FGF12: variants seen among roughly 807,000 people sequenced by gnomAD.
The protein encoded by FGF12 is fibroblast growth factor 12.
In FGF12, 14 loss-of-function variants were observed where a neutral mutation model predicts 23.6. The ratio of observed to expected loss-of-function variants is 0.59; its 90% CI spans 0.39 to 0.93. The LOEUF (loss-of-function observed/expected upper bound fraction) is 0.93. FGF12 is among the 40% of genes least tolerant of loss of function. FGF12 has a pLI of 0.00. For synonymous variants in FGF12, 62 were observed against 77.3 expected, an observed-to-expected ratio of 0.80 and a Z score of 1.04; for missense variants, 175 against 217.8, an observed-to-expected ratio of 0.80 and a Z score of 1.24.
intron 2 of FGF12, among the ~76,000 whole-genome samples, chr3:192,630,088 G>C (rs187104649): frequency 6.6e-6 from 1 of 152,146 alleles, no homozygotes; most frequent in Non-Finnish European, 1.5e-5. Context: ...TCGTGATAGT[G>C]AGTGAGTGCT....
chr3:192,704,698 C>A (rs970743391), intron 2 of FGF12, among the ~76,000 whole-genome samples: 2 of 152,214 alleles, frequency 1.3e-5, no homozygotes, highest in African/African-American at 2.4e-5. Flanking sequence ...ACATTGACTT[C>A]TTTCTCACTA....
chr3:192,630,175 G>A (rs1036324781), intron 2 of FGF12, among the ~76,000 whole-genome samples: 5 of 152,074 alleles, frequency 3.3e-5, no homozygotes, highest in Admixed American at 6.5e-5. Context: ...CATGTGATGC[G>A]CCTGGTCCCT....
chr3:192,146,270 A>AT lies in FGF12; in HGVS notation c.428-2144dup, dbSNP rs879200159. Among the ~76,000 whole-genome samples, 228 of 92,230 alleles carry AT rather than the reference A, an allele frequency of 2.5e-3. 3 individuals are homozygous for AT. The highest frequency in any genetic ancestry group is 3.1e-3 in the Non-Finnish European group (118 of 38,500). 60.5% of individuals were successfully genotyped at this position (92,230 alleles called of 152,430 possible). ...AATTTTCTAATTTTCATTAAAGTGT[A>AT]TATTTTTTTTTTTTTTTTGAGACGG... is the stretch of plus-strand genomic sequence containing the variant. On this transcript the variant is annotated intron_variant, in intron 5 of 5. Coordinates refer to ENST00000445105, the MANE Select transcript of FGF12 (RefSeq NM_004113.6).
At chr3:192,330,520 A>C (rs1717053624) in intron 4 of FGF12, among the ~76,000 whole-genome samples, 1 of 152,170 alleles carries the variant, frequency 6.6e-6, no homozygotes, top group Non-Finnish European at 1.5e-5. Context: ...ATCCACATGC[A>C]AAAGAATGAA....
chr3:192,618,971 A>T (rs1485454470), intron 2 of FGF12, among the ~76,000 whole-genome samples: 1 of 151,904 alleles, frequency 6.6e-6, no homozygotes, highest in Non-Finnish European at 1.5e-5. Flanking sequence ...TTAACCACTT[A>T]AAATAAGCCT....
chr3:192,439,295 T>C (rs1056649103), intron 2 of FGF12, among the ~76,000 whole-genome samples: 1 of 152,216 alleles, frequency 6.6e-6, no homozygotes, highest in South Asian at 2.1e-4. Flanking sequence ...TTTTAGAGCA[T>C]CTACTGGTAA....
chr3:192,376,067 C>G (rs1719480088), intron 2 of FGF12, among the ~76,000 whole-genome samples: 1 of 152,122 alleles, frequency 6.6e-6, no homozygotes, highest in South Asian at 2.1e-4. Context: ...AATTCTCTAT[C>G]TTAATCTCTT....
rs112794209 is a variant in FGF12 at position 192,530,908 on chromosome 3, G to A, written c.14-170370C>T. Among the ~76,000 whole-genome samples, 535 of 152,184 alleles carry A rather than the reference G, an allele frequency of 3.5e-3. 2 individuals are homozygous for A. Among genetic ancestry groups the A allele is most frequent in the African/African-American group, 0.012 (502 of 41,528 alleles). On this transcript the variant is annotated intron_variant, in intron 2 of 5. Coordinates refer to ENST00000445105, the MANE Select transcript of FGF12 (RefSeq NM_004113.6). ...CAGCTCACTGCAACCTTCACCTACC[G>A]GGTTTGAGCAATTCTCCTGCCTCAG...
At chr3:192,398,569 A>G (rs946163413) in intron 2 of FGF12, among the ~76,000 whole-genome samples, 10 of 151,980 alleles carry the variant, frequency 6.6e-5, no homozygotes, top group Admixed American at 3.3e-4. Flanking sequence ...TTTAGTAAAG[A>G]CAGGGTTTCA....
chr3:192,714,202 G>C (rs1718786333), intron 2 of FGF12, among the ~76,000 whole-genome samples: 1 of 152,114 alleles, frequency 6.6e-6, no homozygotes. Context: ...ATGGAGATTA[G>C]GACCCTTGCC....
Position 192,143,940 on chromosome 3 carries a change from AG to A in FGF12, c.*68del. On this transcript the variant is annotated 3_prime_UTR_variant, in exon 6 of 6. Transcript: ENST00000445105. ...CCTCTCCTTGGGTGGATTTACTGGA[AG>A]GAAATGGGTAAATGGGAAGGAAGGG... The A allele has an allele frequency of 1.0e-6, 1 of 977,320 alleles. No homozygotes were observed. The highest frequency in any genetic ancestry group is 1.6e-6 in the Non-Finnish European group (1 of 615,764). The allele number at this position is 977,320 out of a possible 1,614,324, so 60.5% of individuals were successfully genotyped here.
At chr3:192,532,795 C>A (rs1377478487) in intron 2 of FGF12, among the ~76,000 whole-genome samples, 1 of 152,096 alleles carries the variant, frequency 6.6e-6, no homozygotes, top group African/African-American at 2.4e-5. Flanking sequence ...AAATAAATCA[C>A]TATTTCTTAT....
chr3:192,682,099 T>C (rs781679213), intron 2 of FGF12, among the ~76,000 whole-genome samples: 4 of 152,196 alleles, frequency 2.6e-5, no homozygotes, highest in Non-Finnish European at 4.4e-5. Context: ...TTCTCTTTTA[T>C]AATAAGTTTC....
intron 2 of FGF12, among the ~76,000 whole-genome samples, chr3:192,660,879 T>A (rs1716640113): frequency 9.5e-6 from 1 of 105,480 alleles, no homozygotes; most frequent in Non-Finnish European, 1.9e-5. Flanking sequence ...AAGTAAACAT[T>A]TGGGGGTGGG....
chr3:192,581,936 C>G (rs1713174307), intron 2 of FGF12, among the ~76,000 whole-genome samples: 2 of 151,108 alleles, frequency 1.3e-5, no homozygotes, highest in Admixed American at 1.3e-4. Context: ...TCAGGGTACT[C>G]AAATGTCCTG....
chr3:192,632,038 C>T (rs1715408310), intron 2 of FGF12, among the ~76,000 whole-genome samples: 1 of 152,172 alleles, frequency 6.6e-6, no homozygotes, highest in Non-Finnish European at 1.5e-5. Context: ...GAGAGCAACG[C>T]AAACAAATTA....
At chr3:192,246,953 AAG>A in intron 4 of FGF12, among the ~76,000 whole-genome samples, 1 of 140,826 alleles carries the variant, frequency 7.1e-6, no homozygotes, top group Admixed American at 7.1e-5. Context: ...AGAAAAAGAA[AAG>A]GAAAGAGAGG....
intron 5 of FGF12, among the ~76,000 whole-genome samples, chr3:192,160,513 C>T (rs548281552): frequency 6.6e-6 from 1 of 152,266 alleles, no homozygotes; most frequent in South Asian, 2.1e-4. Flanking sequence ...ACGTCATCTT[C>T]TCTAAAAAAT....
intron 4 of FGF12, among the ~76,000 whole-genome samples, chr3:192,256,339 C>T (rs907859006): frequency 3.3e-5 from 5 of 150,932 alleles, no homozygotes; most frequent in Non-Finnish European, 5.9e-5. Flanking sequence ...GATTTGTACC[C>T]TCTATGCAAA....
Sources: gnomAD v4.1 joint callset for allele counts (sites outside exome capture counted in the v4.1 genomes callset) on GRCh38, gnomAD v4.1.1 for gene constraint, MANE v1.5 for transcripts, NCBI Gene and HGNC (gene_info 2026-07-23, HGNC 2026-07-21) for gene names.